TNNI3K: variants seen among roughly 807,000 people sequenced by gnomAD.
TNNI3K encodes the protein TNNI3 interacting kinase.
In TNNI3K, 140 loss-of-function variants were observed where a neutral mutation model predicts 114.5. The observed-to-expected ratio is 1.22, with a 90% CI of 1.07 to 1.41. The LOEUF (loss-of-function observed/expected upper bound fraction) is 1.41. TNNI3K is among the 40% of genes most tolerant of loss of function. The probability of loss-of-function intolerance (pLI) is 0.00; values close to 1 mark genes in which losing one functional copy is unlikely to be tolerated. For missense variants in TNNI3K, 1,125 were observed against 1,007.6 expected, an observed-to-expected ratio of 1.12 and a Z score of -1.58; for synonymous variants, 347 against 347.5, an observed-to-expected ratio of 1.00 and a Z score of 0.02.
intron 4 of TNNI3K, among the ~76,000 whole-genome samples, chr1:74,262,747 C>T (rs1557458971): frequency 2.0e-5 from 3 of 152,012 alleles, no homozygotes; most frequent in Non-Finnish European, 4.4e-5. Flanking sequence ...TAATCTCTTT[C>T]TAAATGAACA....
At chr1:74,340,635 C>T (rs1346823885) in intron 7 of TNNI3K, among the ~76,000 whole-genome samples, 2 of 152,084 alleles carry the variant, frequency 1.3e-5, no homozygotes, top group Non-Finnish European at 2.9e-5. Flanking sequence ...ATTCAATTGG[C>T]GAGGGATACT....
At chr1:74,393,277 A>C (rs543624641) in intron 17 of TNNI3K, among the ~76,000 whole-genome samples, 83 of 35,716 alleles carry the variant, frequency 2.3e-3, no homozygotes, top group East Asian at 0.012. Context: ...CATTCTGGAC[A>C]AAAAAAAATG....
intron 5 of TNNI3K, among the ~76,000 whole-genome samples, chr1:74,319,265 G>C (rs898942428): frequency 2.0e-5 from 3 of 152,186 alleles, no homozygotes; most frequent in Admixed American, 2.0e-4. Flanking sequence ...CTATCCATAG[G>C]GCAGTTCACA....
chr1:74,365,248 T>G (rs970538153), intron 11 of TNNI3K, among the ~76,000 whole-genome samples: 4 of 152,044 alleles, frequency 2.6e-5, no homozygotes, highest in African/African-American at 9.7e-5. Context: ...GTAAAACAGA[T>G]CATATCCTTT....
At chr1:74,524,088 C>T (rs1448002368) in intron 23 of TNNI3K, among the ~76,000 whole-genome samples, 3 of 152,232 alleles carry the variant, frequency 2.0e-5, no homozygotes, top group African/African-American at 7.2e-5. Context: ...TTGTCAAGAG[C>T]CTAACTGTGG....
At chr1:74,304,469 G>A (rs7511665) in intron 5 of TNNI3K, among the ~76,000 whole-genome samples, 4,018 of 152,176 alleles carry the variant, frequency 0.026, 189 homozygotes, top group African/African-American at 0.093. Flanking sequence ...TAGACACAGG[G>A]TCTTGCACTG....
At chr1:74,514,799 CA>C (rs1224831645) in intron 23 of TNNI3K, among the ~76,000 whole-genome samples, 1 of 152,020 alleles carries the variant, frequency 6.6e-6, no homozygotes, top group Non-Finnish European at 1.5e-5. Context: ...TTGTATCCCC[CA>C]AAAAGATATG....
At chr1:74,478,762 GT>G (rs1176452543) in intron 21 of TNNI3K, among the ~76,000 whole-genome samples, 5 of 152,160 alleles carry the variant, frequency 3.3e-5, no homozygotes, top group African/African-American at 1.2e-4. Flanking sequence ...GCATCTGTGT[GT>G]TTTTATTGGG....
chr1:74,237,807 GT>G (rs1055017692), intron 2 of TNNI3K, among the ~76,000 whole-genome samples: 6 of 151,990 alleles, frequency 3.9e-5, no homozygotes, highest in Admixed American at 3.3e-4. Context: ...TTCAAGTGTT[GT>G]TCTGGATACA....
At chr1:74,480,067 G>C (rs188334457) in intron 21 of TNNI3K, 1 of 624,312 alleles carries the variant, frequency 1.6e-6, no homozygotes. Context: ...TGGCAACCAA[G>C]TGTCTGAGAT....
intron 17 of TNNI3K, among the ~76,000 whole-genome samples, chr1:74,387,613 T>C (rs1663553330): frequency 6.6e-6 from 1 of 152,154 alleles, no homozygotes; most frequent in Non-Finnish European, 1.5e-5. Context: ...ATACAGAGAT[T>C]AGGAATCAAG....
At chr1:74,257,567 C>T (rs1191382406) in intron 4 of TNNI3K, among the ~76,000 whole-genome samples, 1 of 150,734 alleles carries the variant, frequency 6.6e-6, no homozygotes, top group Non-Finnish European at 1.5e-5. Context: ...CGGGTAGTTA[C>T]ACTTCTGGTG....
At chr1:74,356,130 T>A (rs1425234284) in intron 11 of TNNI3K, among the ~76,000 whole-genome samples, 1 of 152,236 alleles carries the variant, frequency 6.6e-6, no homozygotes, top group African/African-American at 2.4e-5. Flanking sequence ...AATGCTATGC[T>A]ATGTACTTCT....
intron 23 of TNNI3K, among the ~76,000 whole-genome samples, chr1:74,501,207 G>A (rs1669606755): frequency 6.6e-6 from 1 of 152,000 alleles, no homozygotes; most frequent in African/African-American, 2.4e-5. Flanking sequence ...AATTTTTTCA[G>A]ATCTGTCTTC....
chr1:74,324,603 T>TC (rs1445074721), intron 5 of TNNI3K, among the ~76,000 whole-genome samples: 1 of 152,086 alleles, frequency 6.6e-6, no homozygotes, highest in Non-Finnish European at 1.5e-5. Context: ...CTTACAGATC[T>TC]CAGAAAGAAG....
intron 9 of TNNI3K, among the ~76,000 whole-genome samples, chr1:74,349,438 T>C (rs1295326869): frequency 6.6e-6 from 1 of 152,166 alleles, no homozygotes; most frequent in African/African-American, 2.4e-5. Context: ...TTCTCTTTTT[T>C]TGTTGTGTCT....
intron 20 of TNNI3K, among the ~76,000 whole-genome samples, chr1:74,450,881 G>A (rs1278044062): frequency 6.6e-6 from 1 of 152,116 alleles, no homozygotes; most frequent in Non-Finnish European, 1.5e-5. Flanking sequence ...ATCTGACCCA[G>A]TAATCGCATT....
intron 23 of TNNI3K, among the ~76,000 whole-genome samples, chr1:74,519,219 A>T (rs1454719668): frequency 5.7e-5 from 5 of 88,320 alleles, no homozygotes; most frequent in Admixed American, 2.7e-4. Context: ...AACTCATCAT[A>T]TTTTATGGCT....
At chr1:74,443,872 C>T (rs1223721013) in intron 20 of TNNI3K, among the ~76,000 whole-genome samples, 2 of 152,088 alleles carry the variant, frequency 1.3e-5, no homozygotes, top group East Asian at 1.9e-4. Context: ...AATCAATAAA[C>T]GTAATTCATC....
Sources: allele counts gnomAD v4.1 joint callset (sites outside exome capture counted in the v4.1 genomes callset), GRCh38; gene constraint gnomAD v4.1.1; transcripts MANE v1.5; gene names NCBI Gene and HGNC (gene_info 2026-07-23, HGNC 2026-07-21).